The following SPIRE1 variants were observed in gnomAD, a reference collection of about 807,000 sequenced individuals.
The protein encoded by SPIRE1 is spire type actin nucleation factor 1, also known as protein spire homolog 1.
SPIRE1 carries 40 observed loss-of-function variants against 94.1 expected under a neutral mutation model. The ratio of observed to expected loss-of-function variants is 0.43; its 90% CI spans 0.33 to 0.55. The LOEUF (loss-of-function observed/expected upper bound fraction) is 0.55. Ranked by LOEUF, SPIRE1 falls within the 20% of genes least tolerant of loss-of-function variation. SPIRE1 has a pLI of 0.06. For synonymous variants in SPIRE1, 376 were observed against 371.7 expected, an observed-to-expected ratio of 1.01 and a Z score of -0.13; for missense variants, 838 against 975.2, an observed-to-expected ratio of 0.86 and a Z score of 1.87.
At chr18:12,467,247 C>T (rs935645211) in intron 10 of SPIRE1, among the ~76,000 whole-genome samples, 1 of 152,088 alleles carries the variant, frequency 6.6e-6, no homozygotes, top group Admixed American at 6.5e-5. Flanking sequence ...CACTGCACTC[C>T]AGCCTGGGCG....
intron 12 of SPIRE1, among the ~76,000 whole-genome samples, chr18:12,460,510 C>T (rs1417190738): frequency 1.3e-5 from 2 of 152,114 alleles, no homozygotes; most frequent in Non-Finnish European, 2.9e-5. Context: ...GTCAGGAGTT[C>T]GAGACCAGCC....
rs532847071 is a variant in SPIRE1 at position 12,505,560 on chromosome 18, A to C, written c.972+917T>G. Among the ~76,000 whole-genome samples the C allele has an allele frequency of 2.3e-3, 347 of 151,132 alleles. 1 individual carries two copies. The highest frequency in any genetic ancestry group is 0.014 in the South Asian group (66 of 4,682). On this transcript the variant is annotated intron_variant, in intron 6 of 16. Coordinates refer to ENST00000409402, the MANE Select transcript of SPIRE1 (RefSeq NM_001128626.2). ...AGAGCAAGACCCTGTCTCAAAAAAA[A>C]AAAAAAACAAAAAAACTCTCAATTG...
intron 10 of SPIRE1, among the ~76,000 whole-genome samples, chr18:12,469,778 C>T (rs2032277213): frequency 1.4e-5 from 2 of 145,260 alleles, no homozygotes; most frequent in African/African-American, 2.5e-5. Flanking sequence ...ATACACTTTA[C>T]GAGGTCTCAT....
intron 5 of SPIRE1, among the ~76,000 whole-genome samples, chr18:12,508,490 A>G (rs1456529147): frequency 6.6e-6 from 1 of 152,146 alleles, no homozygotes; most frequent in Non-Finnish European, 1.5e-5. Flanking sequence ...TAAAATATCC[A>G]TATTTCTCTC....
intron 2 of SPIRE1, among the ~76,000 whole-genome samples, chr18:12,555,005 T>C (rs1175530154): frequency 2.0e-5 from 3 of 152,226 alleles, no homozygotes; most frequent in African/African-American, 7.2e-5. Context: ...CCACCCATCA[T>C]GATTGCCTAA....
chr18:12,547,205 G>A (rs549461672), intron 2 of SPIRE1, among the ~76,000 whole-genome samples: 3 of 152,280 alleles, frequency 2.0e-5, no homozygotes, highest in Non-Finnish European at 2.9e-5. Flanking sequence ...AATTAGAGAT[G>A]CACAGACATC....
intron 7 of SPIRE1, 76 bp downstream of exon 7, chr18:12,495,940 T>A (rs931824464): frequency 2.1e-5 from 24 of 1,121,648 alleles, no homozygotes; most frequent in Middle Eastern, 3.9e-4. Flanking sequence ...GAAAGCTGAG[T>A]TCTAGAGATG....
At chr18:12,515,261 T>A (rs1044929496) in intron 4 of SPIRE1, among the ~76,000 whole-genome samples, 2 of 152,086 alleles carry the variant, frequency 1.3e-5, no homozygotes, top group African/African-American at 2.4e-5. Context: ...ATGCCTATGA[T>A]CCCAATATTT....
chr18:12,629,159 C>T (rs2037709466), intron 2 of SPIRE1, among the ~76,000 whole-genome samples: 4 of 152,102 alleles, frequency 2.6e-5, no homozygotes. Flanking sequence ...TTCATTTAAC[C>T]TTCTTTCCTG....
At chr18:12,487,402 CT>C (rs35743856) in intron 8 of SPIRE1, among the ~76,000 whole-genome samples, 57,158 of 132,360 alleles carry the variant, frequency 0.43, 12,375 homozygotes, top group East Asian at 0.59. Flanking sequence ...TATTTTCTTT[CT>C]TTTTTTTTTT....
At chr18:12,652,121 T>G in intron 1 of SPIRE1, among the ~76,000 whole-genome samples, 1 of 152,200 alleles carries the variant, frequency 6.6e-6, no homozygotes, top group East Asian at 1.9e-4. Context: ...TCTCTAAAAC[T>G]ACTGCTATTA....
At chr18:12,619,881 G>C (rs970635408) in intron 2 of SPIRE1, among the ~76,000 whole-genome samples, 1 of 148,792 alleles carries the variant, frequency 6.7e-6, no homozygotes, top group Non-Finnish European at 1.5e-5. Context: ...AAATAAAAAG[G>C]CATCCAAATT....
intron 3 of SPIRE1, among the ~76,000 whole-genome samples, chr18:12,537,794 CA>C (rs1261923722): frequency 6.6e-6 from 1 of 151,968 alleles, no homozygotes; most frequent in Non-Finnish European, 1.5e-5. Flanking sequence ...TAAATTTAAC[CA>C]AGGAGGTGTA....
In SPIRE1 at chr18:12,559,611, G is replaced by A. The variant is rs1045641499; in HGVS notation, c.373-12707C>T. The stretch of plus-strand genomic sequence containing the variant: ...CGTGGCCTGAGGAGGTGCCAAGAGC[G>A]AGCGAGGGCTGCTAGCACGTTGTCA... On this transcript the variant is annotated intron_variant, in intron 2 of 16. Coordinates refer to ENST00000409402, the MANE Select transcript of SPIRE1 (RefSeq NM_001128626.2). The surrounding 1 kb of genome is among the most constrained non-coding windows in gnomAD (Gnocchi z 4.7). 2.0e-5 allele frequency among the ~76,000 whole-genome samples: 3 copies of A among 152,198 alleles called. No individual in the cohort carries two copies. The highest frequency in any genetic ancestry group is 2.1e-4 in the South Asian group (1 of 4,830).
intron 1 of SPIRE1, among the ~76,000 whole-genome samples, chr18:12,656,216 T>C (rs1053404454): frequency 6.6e-6 from 1 of 152,204 alleles, no homozygotes; most frequent in African/African-American, 2.4e-5. Context: ...CTGTATTTTA[T>C]AAATGTATCT....
chr18:12,601,836 G>A (rs1191148713), intron 2 of SPIRE1, among the ~76,000 whole-genome samples: 1 of 152,088 alleles, frequency 6.6e-6, no homozygotes, highest in African/African-American at 2.4e-5. Flanking sequence ...TCCATGGCAT[G>A]GCTGCACCAC....
intron 3 of SPIRE1, among the ~76,000 whole-genome samples, chr18:12,542,785 T>C (rs1430154468): frequency 6.6e-6 from 1 of 152,170 alleles, no homozygotes; most frequent in Non-Finnish European, 1.5e-5. Context: ...TGTAAGACAT[T>C]ATTATTTTTT....
intron 3 of SPIRE1, among the ~76,000 whole-genome samples, chr18:12,540,145 C>G (rs948045733): frequency 2.6e-5 from 4 of 151,744 alleles, no homozygotes; most frequent in Non-Finnish European, 5.9e-5. Flanking sequence ...AACTTAAAAC[C>G]CAAACTCTTC....
At chr18:12,603,768 T>A (rs2036900715) in intron 2 of SPIRE1, among the ~76,000 whole-genome samples, 1 of 152,010 alleles carries the variant, frequency 6.6e-6, no homozygotes, top group Non-Finnish European at 1.5e-5. Context: ...AGAGACAGAT[T>A]TTCACCATAT....
Sources: gnomAD v4.1 joint callset for allele counts (sites outside exome capture counted in the v4.1 genomes callset) on GRCh38, gnomAD v4.1.1 for gene constraint, Gnocchi (gnomAD v3.1) non-coding constraint, MANE v1.5 for transcripts, NCBI Gene and HGNC (gene_info 2026-07-23, HGNC 2026-07-21) for gene names.